Variants in COPS7B observed in about 807,000 individuals in gnomAD.
COPS7B encodes COP9 signalosome subunit 7B.
In COPS7B, 9 loss-of-function variants were observed where a neutral mutation model predicts 33.4. The ratio of observed to expected loss-of-function variants is 0.27; its 90% CI spans 0.16 to 0.47. The LOEUF (loss-of-function observed/expected upper bound fraction) is 0.47. COPS7B is among the 20% of genes least tolerant of loss of function. The probability of loss-of-function intolerance (pLI) is 0.99; values close to 1 mark genes in which losing one functional copy is unlikely to be tolerated. For missense variants in COPS7B, 242 were observed against 318.2 expected (o/e 0.76, Z 1.82); for synonymous variants, 119 against 126.3 (o/e 0.94, Z 0.39).
At chr2:231,789,080 C>A (rs143863968) in intron 2 of COPS7B, 182 of 204,164 alleles carry the variant, frequency 8.9e-4, no homozygotes, top group Non-Finnish European at 1.6e-3. Context: ...AGTGCAATAT[C>A]GATAAGGAAG....
chr2:231,802,758 T>G (rs952153865), intron 6 of COPS7B, among the ~76,000 whole-genome samples: 1 of 152,254 alleles, frequency 6.6e-6, no homozygotes, highest in Non-Finnish European at 1.5e-5. Context: ...CGGTTACAAC[T>G]GCCCAGCTAC....
At chr2:231,801,705 C>G (rs528447890) in intron 6 of COPS7B, among the ~76,000 whole-genome samples, 1 of 151,060 alleles carries the variant, frequency 6.6e-6, no homozygotes, top group South Asian at 2.1e-4. Context: ...TAACCTCAAG[C>G]TATCCTCCCA....
chr2:231,805,431 ATTT>A (rs1031515713), intron 6 of COPS7B, among the ~76,000 whole-genome samples: 1 of 118,826 alleles, frequency 8.4e-6, no homozygotes, highest in African/African-American at 3.0e-5. Flanking sequence ...ATATATATAT[ATTT>A]TTTTTTAAAT....
chr2:231,787,842 T>A (rs1272127236), intron 1 of COPS7B, among the ~76,000 whole-genome samples: 1 of 152,252 alleles, frequency 6.6e-6, no homozygotes, highest in Non-Finnish European at 1.5e-5. Flanking sequence ...TGTAACTGAT[T>A]GCTTTTGCTT....
chr2:231,808,156 C>G lies in COPS7B; in HGVS notation c.*511C>G. ...CGCTGCTTTCCCTCTCCTGCCTCAT[C>G]CCTTGTTGGCAGCTCCAGTTCAGGC... On this transcript the variant is annotated 3_prime_UTR_variant, in exon 7 of 7. Coordinates refer to ENST00000350033, the MANE Select transcript of COPS7B (RefSeq NM_022730.4). 1 of 272,246 alleles carries G rather than the reference C, an allele frequency of 3.7e-6. No individual in the cohort carries two copies. Among genetic ancestry groups the G allele is most frequent in the South Asian group, 3.3e-5 (1 of 29,938 alleles). The allele number at this position is 272,246 out of a possible 1,614,324, so 16.9% of individuals were successfully genotyped here.
At position 231,808,251 on chromosome 2, in the gene COPS7B, G is replaced by A. The variant is rs1321986251; in HGVS notation, c.*606G>A. The A allele has an allele frequency of 1.1e-5, 4 of 351,762 alleles. No homozygotes were observed. The highest frequency in any genetic ancestry group is 2.3e-5 in the Non-Finnish European group (4 of 172,204). 21.8% of individuals were successfully genotyped at this position (351,762 alleles called of 1,614,324 possible). ...TTTTCAGCCTCTTAAGCCCAGCTCC[G>A]ATCTCCAATTAGTTGAGAGCGCTGG... On this transcript the variant is annotated 3_prime_UTR_variant, in exon 7 of 7. Transcript: ENST00000350033.
intron 3 of COPS7B, among the ~76,000 whole-genome samples, chr2:231,793,140 T>C (rs2049467058): frequency 6.6e-6 from 1 of 152,224 alleles, no homozygotes; most frequent in Non-Finnish European, 1.5e-5. Flanking sequence ...TTTCCTCGTC[T>C]GTAAAGTGGG....
intron 6 of COPS7B, among the ~76,000 whole-genome samples, chr2:231,802,994 C>T (rs550971420): frequency 1.9e-4 from 29 of 152,358 alleles, no homozygotes; most frequent in Non-Finnish European, 3.5e-4. Context: ...GACACTTGCC[C>T]AAGAAGCCCT....
chr2:231,791,750 T>C lies in COPS7B; in HGVS notation c.180T>C (p.Asn60=). ...ANVQELAEGA[N]AAYLQLLNLF... is the part of the protein sequence containing the mutation. ...CTCTTCAGCTTGCGGAAGGAGCTAA[T>C]GCTGCTTATTTGCAGTTGTTGAACC... Residue 60 remains asparagine, a synonymous_variant, in exon 3 of 7, where the codon AAT becomes AAC. Coordinates refer to ENST00000350033, the MANE Select transcript of COPS7B (RefSeq NM_022730.4). 2 of 1,614,196 alleles carry C rather than the reference T, an allele frequency of 1.2e-6. No individual in the cohort carries two copies. Among genetic ancestry groups the C allele is most frequent in the African/African-American group, 2.7e-5 (2 of 75,052 alleles).
intron 3 of COPS7B, among the ~76,000 whole-genome samples, chr2:231,793,216 A>G (rs1355801418): frequency 6.6e-6 from 1 of 152,170 alleles, no homozygotes; most frequent in Non-Finnish European, 1.5e-5. Context: ...AGAATTTAGA[A>G]TTTTTGGGAC....
At chr2:231,790,133 G>A (rs1055563654) in intron 2 of COPS7B, 1 of 152,150 alleles carries the variant, frequency 6.6e-6, no homozygotes, top group African/African-American at 2.4e-5. Flanking sequence ...AGAAAACTGA[G>A]TTCATTTTTC....
chr2:231,805,385 C>T (rs1451230886), intron 6 of COPS7B, among the ~76,000 whole-genome samples: 1 of 149,466 alleles, frequency 6.7e-6, no homozygotes, highest in African/African-American at 2.5e-5. Context: ...ACTGGATAAA[C>T]CCAGAGTTGA....
At chr2:231,803,777 G>A (rs1044775265) in intron 6 of COPS7B, among the ~76,000 whole-genome samples, 4 of 152,220 alleles carry the variant, frequency 2.6e-5, no homozygotes, top group Admixed American at 2.0e-4. Context: ...GCTCCCTCAG[G>A]ACCAGAGTGA....
chr2:231,807,422 TAGTG>T (rs757434810), intron 6 of COPS7B, 61 bp from the exon 7 acceptor site: 5 of 1,458,772 alleles, frequency 3.4e-6, no homozygotes, highest in South Asian at 1.3e-5. Flanking sequence ...AGTGAAGACA[TAGTG>T]AGAGCAAGTT....
intron 6 of COPS7B, among the ~76,000 whole-genome samples, chr2:231,801,515 C>T (rs1259064676): frequency 3.9e-5 from 6 of 152,128 alleles, no homozygotes; most frequent in Non-Finnish European, 5.9e-5. Flanking sequence ...AAACACAGCT[C>T]GCTGCACCCT....
In COPS7B at chr2:231,799,017, G is replaced by A. The variant is rs985448906; in HGVS notation, c.636+53G>A. The A allele has an allele frequency of 8.3e-5, 123 of 1,486,244 alleles. No individual in the cohort carries two copies. The South Asian group carries it at 1.2e-3, about 14-fold the overall frequency. The allele number at this position is 1,486,244 out of a possible 1,614,324, so 92.1% of individuals were successfully genotyped here. A position where few individuals can be genotyped will look rare whatever the true frequency, so the allele number is the denominator to read the frequency against. On this transcript the variant is annotated intron_variant, in intron 6 of 6. Transcript: ENST00000350033. ...TCTCTCCAGGCATACCTGTTTATTC[G>A]TTTGCAGTGTTTATGTTTTTGTTTT... is the stretch of plus-strand genomic sequence containing the variant.
chr2:231,799,814 A>G (rs2049690955), intron 6 of COPS7B, among the ~76,000 whole-genome samples: 1 of 152,192 alleles, frequency 6.6e-6, no homozygotes, highest in East Asian at 1.9e-4. Context: ...CCAGCTAAGA[A>G]GCATAAGAGA....
intron 2 of COPS7B, 145 bp downstream of exon 2, chr2:231,788,877 A>G (rs1559353895): frequency 1.5e-6 from 1 of 647,652 alleles, no homozygotes; most frequent in Non-Finnish European, 2.6e-6. Context: ...AGAGGGAGAG[A>G]TTGAGAGAAT....
chr2:231,798,129 C>CGCCTGCCTCG (rs1429856749), intron 5 of COPS7B, among the ~76,000 whole-genome samples: 1 of 152,074 alleles, frequency 6.6e-6, no homozygotes, highest in African/African-American at 2.4e-5. Flanking sequence ...TCAGGTGATC[C>CGCCTGCCTCG]GCCTGCCTCG....
Sources: gnomAD v4.1 joint callset for allele counts (sites outside exome capture counted in the v4.1 genomes callset) on GRCh38, gnomAD v4.1.1 for gene constraint, MANE v1.5 for transcripts, NCBI Gene and HGNC (gene_info 2026-07-23, HGNC 2026-07-21) for gene names.